Variants in UMAD1 observed in about 807,000 individuals in gnomAD.
UMAD1 encodes the protein UBAP1-MVB12-associated (UMA) domain containing 1.
UMAD1 carries 8 observed loss-of-function variants against 6.1 expected under a neutral mutation model. The observed-to-expected ratio is 1.30, with a 90% confidence interval of 0.76 to 2.35. UMAD1 has a LOEUF of 2.35. UMAD1 is among the 30% of genes most tolerant of loss of function. The pLI, the probability that UMAD1 is intolerant of heterozygous loss-of-function variation, is 0.00. For missense variants in UMAD1, 130 were observed against 78.4 expected (o/e 1.66, Z -2.49); for synonymous variants, 56 against 31.4 (o/e 1.78, Z -2.61).
At chr7:7,853,040 AAG>A (rs1044114460) in intron 3 of UMAD1, among the ~76,000 whole-genome samples, 1 of 152,212 alleles carries the variant, frequency 6.6e-6, no homozygotes, top group Admixed American at 6.5e-5. Context: ...GAAGGTCAGA[AAG>A]AGAGAGTTTT....
At chr7:7,720,387 T>C (rs1401499585) in intron 2 of UMAD1, among the ~76,000 whole-genome samples, 4 of 152,094 alleles carry the variant, frequency 2.6e-5, no homozygotes, top group Admixed American at 6.6e-5. Flanking sequence ...TCACTTCTGA[T>C]TTTATAGGTT....
rs2115274616 is a variant in UMAD1, at chr7:7,801,675, A to G, written c.88A>G (p.Thr30Ala). The G allele has an allele frequency of 1.4e-6, 1 of 717,944 alleles. No individual in the cohort carries two copies. Among genetic ancestry groups the G allele is most frequent in the Non-Finnish European group, 2.6e-6 (1 of 385,180 alleles). 44.5% of individuals were successfully genotyped at this position (717,944 alleles called of 1,614,324 possible). The change falls in exon 3 of 4, where the codon ACA becomes GCA. Residue 30 changes from threonine (T) to alanine (A), a missense_variant. Coordinates refer to ENST00000682710, the MANE Select transcript of UMAD1 (RefSeq NM_001302348.2). ...ACATATATTTTACTTCATAGGAGAT[A>G]CAACAGATGAGCAAAGAATGACAGC... ...EADGFVLLGD[T>A]TDEQRMTARG...
chr7:7,773,453 A>G (rs1218125468), intron 2 of UMAD1, among the ~76,000 whole-genome samples: 1 of 152,198 alleles, frequency 6.6e-6, no homozygotes, highest in Non-Finnish European at 1.5e-5. Context: ...AAGAGCATAC[A>G]CTTACTTTAT....
At chr7:7,857,787 T>A in intron 3 of UMAD1, among the ~76,000 whole-genome samples, 1 of 152,240 alleles carries the variant, frequency 6.6e-6, no homozygotes, top group East Asian at 1.9e-4. Flanking sequence ...AACAATGTTT[T>A]TCCCCCTCCA....
chr7:7,747,294 T>G (rs994126540), intron 2 of UMAD1, among the ~76,000 whole-genome samples: 2 of 152,206 alleles, frequency 1.3e-5, no homozygotes, highest in African/African-American at 2.4e-5. Context: ...TAATCAGTAT[T>G]ATTCTTGCAA....
intron 2 of UMAD1, among the ~76,000 whole-genome samples, chr7:7,735,056 C>T (rs10952070): frequency 0.046 from 6,980 of 151,318 alleles, 207 homozygotes; most frequent in Middle Eastern, 0.13. Flanking sequence ...ACTTATGCCT[C>T]ACAAAACCAA....
rs151078677 is a variant in UMAD1 at position 7,811,641 on chromosome 7, G to A, written c.156+9898G>A. ...TTTACCTCTTTGGAAAGCGAACTGG[G>A]GTTTTGCCACAAAATGCCAACCTTT... On this transcript the variant is annotated intron_variant, in intron 3 of 3. Coordinates refer to ENST00000682710, the MANE Select transcript of UMAD1 (RefSeq NM_001302348.2). Among the ~76,000 whole-genome samples, 343 of 152,232 alleles carry A rather than the reference G, an allele frequency of 2.3e-3. 2 individuals carry two copies. The highest frequency in any genetic ancestry group is 0.014 in the South Asian group (66 of 4,822).
intron 2 of UMAD1, among the ~76,000 whole-genome samples, chr7:7,715,549 G>C (rs1021672511): frequency 6.6e-6 from 1 of 152,106 alleles, no homozygotes; most frequent in African/African-American, 2.4e-5. Context: ...TGCTGTGCTG[G>C]GTGTTGGGTA....
chr7:7,797,213 C>G (rs1460377685), intron 2 of UMAD1, among the ~76,000 whole-genome samples: 1 of 152,124 alleles, frequency 6.6e-6, no homozygotes, highest in Admixed American at 6.5e-5. Context: ...ACAACCACCT[C>G]TCACATGGAC....
chr7:7,847,432 C>T (rs907080933), intron 3 of UMAD1, among the ~76,000 whole-genome samples: 1 of 151,808 alleles, frequency 6.6e-6, no homozygotes, highest in Non-Finnish European at 1.5e-5. Flanking sequence ...CCCTGGCTAC[C>T]TGAATTAGCT....
Position 7,709,317 on chromosome 7 carries a change from G to C in UMAD1, c.82+35864G>C, listed in dbSNP as rs182148631. The stretch of plus-strand genomic sequence containing the variant: ...TTGTAAATATGAACATTAGAAACTT[G>C]TTCAATTGTGGGTCGTCATTAATTC... On this transcript the variant is annotated intron_variant, in intron 2 of 3. Transcript: ENST00000682710. 1.5e-3 allele frequency among the ~76,000 whole-genome samples: 234 copies of C among 152,322 alleles called. 1 individual carries two copies. Among genetic ancestry groups the C allele is most frequent in the African/African-American group, 5.3e-3 (219 of 41,570 alleles).
intron 3 of UMAD1, among the ~76,000 whole-genome samples, chr7:7,808,850 CAT>C (rs1782969960): frequency 6.6e-6 from 1 of 151,842 alleles, no homozygotes; most frequent in African/African-American, 2.4e-5. Flanking sequence ...TATGGAGACA[CAT>C]ATAAAATAAT....
chr7:7,722,449 C>A (rs937700202), intron 2 of UMAD1, among the ~76,000 whole-genome samples: 3 of 152,012 alleles, frequency 2.0e-5, no homozygotes, highest in Admixed American at 6.6e-5. Flanking sequence ...AAAATAAATG[C>A]ATTTGACACT....
At chr7:7,850,703 CAT>C (rs1783895867) in intron 3 of UMAD1, among the ~76,000 whole-genome samples, 2 of 151,910 alleles carry the variant, frequency 1.3e-5, no homozygotes, top group African/African-American at 2.4e-5. Context: ...TTTTAAGAAA[CAT>C]ATATCTTAAT....
chr7:7,708,927 C>CTG (rs890448329), intron 2 of UMAD1, among the ~76,000 whole-genome samples: 4 of 148,818 alleles, frequency 2.7e-5, no homozygotes, highest in Non-Finnish European at 6.0e-5. Context: ...GTTTGTGTGT[C>CTG]TGTGTGTGTG....
intron 2 of UMAD1, among the ~76,000 whole-genome samples, chr7:7,799,207 T>C (rs1437197506): frequency 6.6e-6 from 1 of 152,268 alleles, no homozygotes; most frequent in Non-Finnish European, 1.5e-5. Context: ...TATTTCATTG[T>C]GACCCATTCT....
chr7:7,781,860 G>A (rs1178725993), intron 2 of UMAD1, among the ~76,000 whole-genome samples: 1 of 119,096 alleles, frequency 8.4e-6, no homozygotes, highest in East Asian at 2.2e-4. Flanking sequence ...ATAGAAAAAT[G>A]GTAACCTTGA....
intron 2 of UMAD1, among the ~76,000 whole-genome samples, chr7:7,754,587 C>G (rs1382427320): frequency 1.3e-5 from 2 of 152,174 alleles, no homozygotes; most frequent in African/African-American, 4.8e-5. Context: ...GTGGTGTGCA[C>G]TAACCAGCCA....
chr7:7,760,590 A>C (rs1036793436), intron 2 of UMAD1, among the ~76,000 whole-genome samples: 2 of 152,088 alleles, frequency 1.3e-5, no homozygotes, highest in African/African-American at 4.8e-5. Flanking sequence ...CCCAGAATAT[A>C]CTACTGAATG....
Sources: gnomAD v4.1 joint callset for allele counts (sites outside exome capture counted in the v4.1 genomes callset) on GRCh38, gnomAD v4.1.1 for gene constraint, MANE v1.5 for transcripts, NCBI Gene and HGNC (gene_info 2026-07-23, HGNC 2026-07-21) for gene names.